Variants in MUCL3 observed in about 807,000 individuals in gnomAD.
MUCL3 encodes the protein mucin like 3.
Under a neutral mutation model 70.2 loss-of-function variants are expected in MUCL3, and 42 were observed. That is an observed-to-expected ratio of 0.60 (90% CI 0.47 to 0.77). The LOEUF is 0.77. Among genes scored for constraint, MUCL3 ranks in the 30% least tolerant of loss-of-function variants. MUCL3 has a pLI of 0.00. For synonymous variants in MUCL3, 522 were observed against 647.0 expected (o/e 0.81, Z 2.93); for missense variants, 1,429 against 1,670.0 (o/e 0.86, Z 2.52).
chr6:30,953,883 G>C lies in MUCL3; in HGVS notation c.*766G>C, dbSNP rs910083648. 13 of 152,194 alleles carry C rather than the reference G, an allele frequency of 8.5e-5. No homozygotes were observed. The highest frequency in any genetic ancestry group is 2.9e-4 in the African/African-American group (12 of 41,400). The allele number at this position is 152,194 out of a possible 1,614,324, so 9.4% of individuals were successfully genotyped here. A position where few individuals can be genotyped will look rare whatever the true frequency, so the allele number is the denominator to read the frequency against. ...GGAGGGGATTTTTATTTGGCCAGCA[G>C]TCTCACCCACTGATCTCCACCCCAG... On this transcript the variant is annotated 3_prime_UTR_variant, in exon 3 of 3. Coordinates refer to ENST00000462446, the MANE Select transcript of MUCL3 (RefSeq NM_080870.4).
chr6:30,947,125 AAG>A (rs1161525375), intron 1 of MUCL3, among the ~76,000 whole-genome samples: 2 of 152,162 alleles, frequency 1.3e-5, no homozygotes, highest in African/African-American at 4.8e-5. Context: ...AGAATCCAGA[AAG>A]AGAATGTCTG....
intron 1 of MUCL3, among the ~76,000 whole-genome samples, chr6:30,947,899 C>A (rs1177702586): frequency 1.3e-5 from 2 of 152,154 alleles, no homozygotes; most frequent in Non-Finnish European, 2.9e-5. Context: ...ACATCTCTCA[C>A]TCACAATTTG....
Position 30,952,310 on chromosome 6 carries a change from G to A in MUCL3, c.3846G>A (p.Thr1282=), listed in dbSNP as rs149982150. The stretch of plus-strand genomic sequence containing the variant: ...CTTTCACCCTCATTACATCTAGAAC[G>A]AAGCTGAGTTCTATCACATCAGAAG... The part of the protein sequence containing the change: ...TGSFTLITSR[T]KLSSITSEAT... The change falls in exon 2 of 3, where the codon ACG becomes ACA. Residue 1282 remains threonine (T), a synonymous_variant. Transcript: ENST00000462446. 8.0e-5 allele frequency: 129 copies of A among 1,613,944 alleles called. No homozygotes were observed. The highest frequency in any genetic ancestry group is 1.1e-4 in the Non-Finnish European group (127 of 1,179,974).
chr6:30,950,446 C>T lies in MUCL3; in HGVS notation c.1982C>T (p.Thr661Ile), dbSNP rs544263168. The T allele has an allele frequency of 6.5e-7, 1 of 1,548,550 alleles. No individual in the cohort carries two copies. Among genetic ancestry groups the T allele is most frequent in the East Asian group, 2.5e-5 (1 of 40,668 alleles). ...EKTTLFPAEP[T>I]ENRERTANEK... Reference sequence around the variant, plus strand: ...ACCACACTATTCCCAGCAGAGCCTACAGAAAATAGAGAAAGGACAGCCAAT... The same window carrying T: ...ACCACACTATTCCCAGCAGAGCCTATAGAAAATAGAGAAAGGACAGCCAAT... The change falls in exon 2 of 3, where the codon ACA becomes ATA. Residue 661 changes from threonine to isoleucine, a missense_variant. Thr to Ile is a moderately conservative substitution (Grantham distance 89, BLOSUM62 -1). Coordinates refer to ENST00000462446, the MANE Select transcript of MUCL3 (RefSeq NM_080870.4).
In MUCL3 at chr6:30,950,445, A is replaced by G. The variant is rs1303919739; in HGVS notation, c.1981A>G (p.Thr661Ala). 3 of 1,550,840 alleles carry G rather than the reference A, an allele frequency of 1.9e-6. No individual in the cohort carries two copies. Among genetic ancestry groups the G allele is most frequent in the Non-Finnish European group, 2.6e-6 (3 of 1,146,876 alleles). ...GACCACACTATTCCCAGCAGAGCCTACAGAAAATAGAGAAAGGACAGCCAA... is the reference window on the plus strand; with the variant it reads ...GACCACACTATTCCCAGCAGAGCCTGCAGAAAATAGAGAAAGGACAGCCAA... ...EKTTLFPAEP[T>A]ENRERTANEK... Residue 661 changes from threonine to alanine, a missense_variant, in exon 2 of 3, where the codon ACA (threonine) becomes GCA (alanine). Coordinates refer to ENST00000462446, the MANE Select transcript of MUCL3 (RefSeq NM_080870.4).
chr6:30,944,144 A>T (rs1795691499), intron 1 of MUCL3, among the ~76,000 whole-genome samples: 1 of 152,222 alleles, frequency 6.6e-6, no homozygotes, highest in Non-Finnish European at 1.5e-5. Context: ...GTGCCCTGAC[A>T]GCGACTCCAA....
rs1422629518 is a variant in MUCL3, at chr6:30,950,763, C to T, written c.2299C>T (p.Pro767Ser). The change falls in exon 2 of 3, where the codon CCA (proline) becomes TCA (serine). Residue 767 changes from proline (P) to serine (S), a missense_variant. Transcript: ENST00000462446. ...GCCTACAGAAAATGGAGACAGGACT[C>T]CATTGGCCAATGAGAAGACCACACC... ...AQPTENGDRTPLANEKTTPSL... is the reference protein window; with the variant it reads ...AQPTENGDRTSLANEKTTPSL... The T allele has an allele frequency of 2.6e-6, 4 of 1,537,462 alleles. No homozygotes were observed. The Admixed American group carries it at 8.1e-5, about 31-fold the overall frequency.
rs991233368 is a variant in MUCL3 at position 30,952,647 on chromosome 6, A to C, written c.4035+148A>C. ...CAGTAATAGAGGGAGAGTTTTGGTG[A>C]AAACTAAGGAGAAAGACAATAAATA... On this transcript the variant is annotated intron_variant, in intron 2 of 2. Transcript: ENST00000462446. The C allele has an allele frequency of 3.4e-5, 32 of 931,972 alleles. No individual in the cohort carries two copies. The African/African-American group carries it at 5.2e-4, about 15-fold the overall frequency. The allele number at this position is 931,972 out of a possible 1,614,324, so 57.7% of individuals were successfully genotyped here. A position where few individuals can be genotyped will look rare whatever the true frequency, so the allele number is the denominator to read the frequency against.
In MUCL3 at chr6:30,951,659, T is replaced by G. The variant is rs781366503; in HGVS notation, c.3195T>G (p.His1065Gln). ...TTPSPVKPTE[H>Q]GEKTTLANEK... is the part of the protein sequence containing the mutation. ...CATCCCCAGTAAAGCCTACAGAACA[T>G]GGAGAAAAGACTACATTGGCCAATG... Residue 1065 changes from histidine (H) to glutamine (Q), a missense_variant, in exon 2 of 3, where the codon CAT becomes CAG. By Grantham distance (24) the His-to-Gln change is conservative. Coordinates refer to ENST00000462446, the MANE Select transcript of MUCL3 (RefSeq NM_080870.4). The G allele has an allele frequency of 3.2e-6, 5 of 1,550,916 alleles. No homozygotes were observed. The highest frequency in any genetic ancestry group is 4.4e-6 in the Non-Finnish European group (5 of 1,146,784).
In MUCL3 at chr6:30,941,030, G is replaced by A. The variant is rs192263732; in HGVS notation, c.31G>A (p.Ala11Thr). MAQPVHSLCSAFGLQCCLLFL... is the reference protein window; with the variant it reads MAQPVHSLCSTFGLQCCLLFL... ...CCAGCCGGTCCACAGCCTCTGCTCC[G>A]CCTTTGGCCTCCAGTGCTGCCTCCT... The change falls in exon 1 of 3, where the codon GCC becomes ACC. Residue 11 changes from alanine to threonine, a missense_variant. Transcript: ENST00000462446. The A allele has an allele frequency of 9.6e-5, 149 of 1,550,474 alleles. No homozygotes were observed. In the East Asian group the frequency reaches 2.6e-3, roughly 27 times the overall value.
At position 30,951,692 on chromosome 6, in the gene MUCL3, C is replaced by T. The variant is rs568490837; in HGVS notation, c.3228C>T (p.Ile1076=). 7.5e-5 allele frequency: 116 copies of T among 1,552,184 alleles called. No individual in the cohort carries two copies. The South Asian group carries it at 1.3e-3, about 17-fold the overall frequency. ...GEKTTLANEK[I]TLSPEGPTEH... ...AGACTACATTGGCCAATGAGAAGAT[C>T]ACACTATCCCCAGAAGGGCCTACAG... Residue 1076 remains isoleucine, a synonymous_variant, in exon 2 of 3, where the codon ATC becomes ATT. Coordinates refer to ENST00000462446, the MANE Select transcript of MUCL3 (RefSeq NM_080870.4).
chr6:30,949,752 G>T lies in MUCL3; in HGVS notation c.1288G>T (p.Ala430Ser). The T allele has an allele frequency of 6.5e-7, 1 of 1,546,674 alleles. No homozygotes were observed. Among genetic ancestry groups the T allele is most frequent in the South Asian group, 1.2e-5 (1 of 83,808 alleles). The stretch of plus-strand genomic sequence containing the variant: ...AGAACATGGAGAAAGGACCCCACTG[G>T]CCAACGAGAACACCACACCATCCCC... ...STEHGERTPL[A>S]NENTTPSPAE... The change falls in exon 2 of 3, where the codon GCC (alanine) becomes TCC (serine). Residue 430 changes from alanine (A) to serine (S), a missense_variant. Physicochemically the swap from Ala to Ser is moderately conservative, Grantham distance 99. Coordinates refer to ENST00000462446, the MANE Select transcript of MUCL3 (RefSeq NM_080870.4).
In MUCL3 at chr6:30,952,153, A is replaced by G. The variant is rs750843443; in HGVS notation, c.3689A>G (p.Glu1230Gly). The G allele has an allele frequency of 1.2e-6, 2 of 1,614,050 alleles. No individual in the cohort carries two copies. Among genetic ancestry groups the G allele is most frequent in the Non-Finnish European group, 1.7e-6 (2 of 1,180,002 alleles). Residue 1230 changes from glutamate (E) to glycine (G), a missense_variant, in exon 2 of 3, where the codon GAA becomes GGA. Glu to Gly is a moderately conservative substitution (Grantham distance 98). Coordinates refer to ENST00000462446, the MANE Select transcript of MUCL3 (RefSeq NM_080870.4). ...ETIKAPVKST[E>G]NPEKTAAVTK... ...ATAAAAGCCCCAGTAAAGTCCACAGAAAACCCAGAAAAAACAGCAGCAGTC... is the reference window on the plus strand; with the variant it reads ...ATAAAAGCCCCAGTAAAGTCCACAGGAAACCCAGAAAAAACAGCAGCAGTC...
chr6:30,950,224 C>A lies in MUCL3; in HGVS notation c.1760C>A (p.Thr587Asn). ...GAGCCTACAGAAAATGGACAAAGGA[C>A]CCCATTTGCCAATGAGAAGACCACA... ...LAEPTENGQRTPFANEKTTSS... is the reference protein window; with the variant it reads ...LAEPTENGQRNPFANEKTTSS... Residue 587 changes from threonine (T) to asparagine (N), a missense_variant, in exon 2 of 3, where the codon ACC (threonine) becomes AAC (asparagine). Physicochemically the swap from Thr to Asn is moderately conservative, Grantham distance 65. Coordinates refer to ENST00000462446, the MANE Select transcript of MUCL3 (RefSeq NM_080870.4). 6.5e-7 allele frequency: 1 copy of A among 1,550,100 alleles called. No homozygotes were observed. Among genetic ancestry groups the A allele is most frequent in the Non-Finnish European group, 8.7e-7 (1 of 1,146,838 alleles).
chr6:30,953,227 T>A lies in MUCL3; in HGVS notation c.*110T>A. ...GGACTACAGGAAGGGCAGAGAATAC[T>A]GACGGTTACCAGTATTAACCCTTCA... On this transcript the variant is annotated 3_prime_UTR_variant, in exon 3 of 3. Coordinates refer to ENST00000462446, the MANE Select transcript of MUCL3 (RefSeq NM_080870.4). The A allele has an allele frequency of 6.8e-7, 1 of 1,462,246 alleles. No individual in the cohort carries two copies. The highest frequency in any genetic ancestry group is 9.1e-7 in the Non-Finnish European group (1 of 1,099,274). 90.6% of individuals were successfully genotyped at this position (1,462,246 alleles called of 1,614,324 possible).
chr6:30,951,727 C>T lies in MUCL3; in HGVS notation c.3263C>T (p.Ala1088Val), dbSNP rs1446901624. 6.5e-7 allele frequency: 1 copy of T among 1,550,372 alleles called. No homozygotes were observed. Among genetic ancestry groups the T allele is most frequent in the Non-Finnish European group, 8.7e-7 (1 of 1,146,704 alleles). ...CCAGAAGGGCCTACAGAACATGGAGCAAAAACTACGTCGGCCAATGAGAAG... is the reference window on the plus strand; with the variant it reads ...CCAGAAGGGCCTACAGAACATGGAGTAAAAACTACGTCGGCCAATGAGAAG... ...LSPEGPTEHG[A>V]KTTSANEKIT... The change falls in exon 2 of 3, where the codon GCA becomes GTA. Residue 1088 changes from alanine (A) to valine (V), a missense_variant. By Grantham distance (64) the Ala-to-Val change is moderately conservative. Coordinates refer to ENST00000462446, the MANE Select transcript of MUCL3 (RefSeq NM_080870.4).
chr6:30,941,464 T>C (rs1245750588), intron 1 of MUCL3, among the ~76,000 whole-genome samples: 12 of 148,044 alleles, frequency 8.1e-5, no homozygotes, highest in South Asian at 2.2e-4. Context: ...CTTCTTTTTT[T>C]TTTTTTTTTT....
Position 30,941,036 on chromosome 6 carries a change from G to T in MUCL3, c.37G>T (p.Gly13Cys). 2 of 1,550,618 alleles carry T rather than the reference G, an allele frequency of 1.3e-6. No homozygotes were observed. The highest frequency in any genetic ancestry group is 1.7e-6 in the Non-Finnish European group (2 of 1,146,992). Residue 13 changes from glycine (G) to cysteine (C), a missense_variant, in exon 1 of 3, where the codon GGC becomes TGC. Gly to Cys is a radical substitution (Grantham distance 159). Transcript: ENST00000462446. ...GGTCCACAGCCTCTGCTCCGCCTTT[G>T]GCCTCCAGTGCTGCCTCCTCTTCCT... ...QPVHSLCSAF[G>C]LQCCLLFLLA...
Position 30,948,947 on chromosome 6 carries a change from A to G in MUCL3, c.483A>G (p.Ala161=). The G allele has an allele frequency of 1.3e-6, 2 of 1,551,102 alleles. No homozygotes were observed. The highest frequency in any genetic ancestry group is 1.7e-6 in the Non-Finnish European group (2 of 1,146,868). Residue 161 remains alanine, a synonymous_variant, in exon 2 of 3, where the codon GCA becomes GCG. Coordinates refer to ENST00000462446, the MANE Select transcript of MUCL3 (RefSeq NM_080870.4). ...ESAGKKHITP[A]PKSKINCRKS... is the part of the protein sequence containing the mutation. ...CTGGAAAAAAACATATAACGCCAGC[A>G]CCCAAGAGCAAAATAAACTGTCGTA... is the stretch of plus-strand genomic sequence containing the variant.
Sources: gnomAD v4.1 joint callset for allele counts (sites outside exome capture counted in the v4.1 genomes callset) on GRCh38, gnomAD v4.1.1 for gene constraint, MANE v1.5 for transcripts, NCBI Gene and HGNC (gene_info 2026-07-23, HGNC 2026-07-21) for gene names.